The following MED24 variants were observed in gnomAD, a reference collection of about 807,000 sequenced individuals.
The protein encoded by MED24 is mediator of RNA polymerase II transcription subunit 24.
MED24 carries 74 observed loss-of-function variants against 118.8 expected under a neutral mutation model. The ratio of observed to expected loss-of-function variants is 0.62; its 90% confidence interval spans 0.52 to 0.76. The LOEUF is 0.76. MED24 is among the 30% of genes least tolerant of loss of function. The pLI, the probability that MED24 is intolerant of heterozygous loss-of-function variation, is 0.00. For missense variants in MED24, 1,041 were observed against 1,278.9 expected (o/e 0.81, Z 2.84); for synonymous variants, 521 against 523.9 (o/e 0.99, Z 0.08).
intron 3 of MED24, among the ~76,000 whole-genome samples, chr17:40,051,338 G>A (rs925582117): frequency 2.0e-5 from 3 of 151,382 alleles, no homozygotes; most frequent in Admixed American, 6.6e-5. Flanking sequence ...CTGGGCGGCC[G>A]GGCACAGTGG....
intron 3 of MED24, among the ~76,000 whole-genome samples, chr17:40,048,436 T>G (rs946254940): frequency 2.0e-5 from 3 of 152,374 alleles, no homozygotes; most frequent in Admixed American, 1.3e-4. Flanking sequence ...TCAACAACTG[T>G]AATATCTATA....
chr17:40,047,136 T>C (rs1250809793), intron 3 of MED24, among the ~76,000 whole-genome samples: 1 of 152,074 alleles, frequency 6.6e-6, no homozygotes, highest in South Asian at 2.1e-4. Context: ...ATAAAAAGAA[T>C]GTACTATTAA....
rs567820306 is a variant in MED24 at position 40,050,179 on chromosome 17, C to T, written c.213+3119G>A. On this transcript the variant is annotated intron_variant, in intron 3 of 25. Coordinates refer to ENST00000394128, the MANE Select transcript of MED24 (RefSeq NM_014815.4). ...AAAAAAAAAAAAAAAAAGAGAGATACGCATTCAGGTCAGGCACGGTGGCTC... is the reference window on the plus strand; with the variant it reads ...AAAAAAAAAAAAAAAAAGAGAGATATGCATTCAGGTCAGGCACGGTGGCTC... 1.7e-4 allele frequency among the ~76,000 whole-genome samples: 23 copies of T among 135,290 alleles called. No homozygotes were observed. In the East Asian group the frequency reaches 3.2e-3, roughly 19 times the overall value. 88.8% of individuals were successfully genotyped at this position (135,290 alleles called of 152,430 possible).
chr17:40,052,337 G>A (rs142990545), intron 3 of MED24, among the ~76,000 whole-genome samples: 4 of 152,300 alleles, frequency 2.6e-5, no homozygotes, highest in African/African-American at 9.6e-5. Flanking sequence ...TGTGTATTAA[G>A]TACATTTTCA....
In MED24 at chr17:40,019,627, C is replaced by G; in HGVS notation, c.2872G>C (p.Val958Leu). 6.3e-7 allele frequency: 1 copy of G among 1,598,586 alleles called. No homozygotes were observed. The highest frequency in any genetic ancestry group is 8.5e-7 in the Non-Finnish European group (1 of 1,170,050). The change falls in exon 26 of 26, where the codon GTG (valine) becomes CTG (leucine). Residue 958 changes from valine to leucine, a missense_variant. Physicochemically the swap from Val to Leu is conservative, Grantham distance 32 (BLOSUM62 1). Transcript: ENST00000394128. ...PFTTVSELVK[V>L]SAMSSPKVVL... is the part of the protein sequence containing the mutation. ...ACCTTGGGGCTGGACATGGCTGACA[C>G]CTTCACCAGTTCCGACACCTGCCAC...
chr17:40,035,665 C>T (rs1420990291), intron 5 of MED24, 57 bp downstream of exon 5: 1 of 1,572,626 alleles, frequency 6.4e-7, no homozygotes, highest in East Asian at 2.2e-5. Flanking sequence ...AGCTGCACCT[C>T]TGCACAAAGA....
intron 22 of MED24, 95 bp downstream of exon 22, chr17:40,022,299 G>T: frequency 7.6e-7 from 1 of 1,311,498 alleles, no homozygotes; most frequent in Non-Finnish European, 1.1e-6. Flanking sequence ...AAGGGCAGGG[G>T]CCACAACTGC....
In MED24 at chr17:40,022,666, G is replaced by T. The variant is rs755921174; in HGVS notation, c.2411C>A (p.Pro804His). ...DSSKWHSLMDPPGTALAKLAV... is the reference protein window; with the variant it reads ...DSSKWHSLMDHPGTALAKLAV... ...TTACTTGGCAAGAGCAGTGCCCGGG[G>T]GGTCCATGAGGCTGTGCCACTTGGA... is the stretch of plus-strand genomic sequence containing the variant. Residue 804 changes from proline (P) to histidine (H), a missense_variant, in exon 21 of 26, where the codon CCC becomes CAC. Physicochemically the swap from Pro to His is moderately conservative, Grantham distance 77. Transcript: ENST00000394128. 1.9e-6 allele frequency: 3 copies of T among 1,613,588 alleles called. No homozygotes were observed. Among genetic ancestry groups the T allele is most frequent in the Admixed American group, 1.7e-5 (1 of 60,012 alleles).
intron 1 of MED24, 56 bp from the exon 2 acceptor site, chr17:40,053,691 C>T (rs1252218702): frequency 1.9e-6 from 3 of 1,600,434 alleles, no homozygotes; most frequent in Non-Finnish European, 2.6e-6. Flanking sequence ...TAAGGAGAAC[C>T]GGGGAAGGCA....
At position 40,053,472 on chromosome 17, in the gene MED24, C is replaced by G; in HGVS notation, c.127G>C (p.Ala43Pro). The G allele has an allele frequency of 3.1e-6, 5 of 1,614,136 alleles. No individual in the cohort carries two copies. The South Asian group carries it at 5.5e-5, about 18-fold the overall frequency. The change falls in exon 2 of 26, where the codon GCA becomes CCA. Residue 43 changes from alanine (A) to proline (P), a missense_variant. Physicochemically the swap from Ala to Pro is conservative, Grantham distance 27. Coordinates refer to ENST00000394128, the MANE Select transcript of MED24 (RefSeq NM_014815.4). ...TCTTTCCCAGTTCACTTGAGACCTGCCAGGTTGAGAATATCCCAGGTGGCT... is the reference window on the plus strand; with the variant it reads ...TCTTTCCCAGTTCACTTGAGACCTGGCAGGTTGAGAATATCCCAGGTGGCT... ...KGATWDILNL[A>P]DALLEQAMIG...
In MED24 at chr17:40,019,524, G is replaced by C. The variant is rs1336678157; in HGVS notation, c.*5C>G. The C allele has an allele frequency of 1.2e-6, 2 of 1,610,422 alleles. No homozygotes were observed. Among genetic ancestry groups the C allele is most frequent in the East Asian group, 4.5e-5 (2 of 44,880 alleles). On this transcript the variant is annotated 3_prime_UTR_variant, in exon 26 of 26. Coordinates refer to ENST00000394128, the MANE Select transcript of MED24 (RefSeq NM_014815.4). ...CCAGCCCCCACTGCGGCCATGCCAA[G>C]CCCCTCAGAGTGCAGCAATGGCTTT...
chr17:40,024,529 G>A (rs185446907), intron 19 of MED24, among the ~76,000 whole-genome samples: 3 of 152,120 alleles, frequency 2.0e-5, no homozygotes, highest in East Asian at 1.9e-4. Context: ...GCGAAACGCC[G>A]TCTCAAAAAT....
At chr17:40,025,162 T>C (rs1219643157) in intron 19 of MED24, among the ~76,000 whole-genome samples, 2 of 152,158 alleles carry the variant, frequency 1.3e-5, no homozygotes, top group African/African-American at 4.8e-5. Context: ...ACTGTATGAT[T>C]CCAGTTAAAT....
chr17:40,032,787 C>A (rs993019990), intron 8 of MED24, 25 bp from the exon 9 acceptor site: 18 of 1,594,508 alleles, frequency 1.1e-5, no homozygotes, highest in Non-Finnish European at 1.5e-5. Context: ...AAGGATGAGG[C>A]CTAAGAGGGT....
Position 40,035,353 on chromosome 17 carries a change from CA to C in MED24, c.327-5del, listed in dbSNP as rs1184414800. On this transcript the variant is annotated splice_region_variant and splice_polypyrimidine_tract_variant and intron_variant, in intron 5 of 25. Coordinates refer to ENST00000394128, the MANE Select transcript of MED24 (RefSeq NM_014815.4). ...TTCCTCTGCTTTGCCGTGACAGCTA[CA>C]GGGAAGGATGCAAAATCAGACTCTG... The C allele has an allele frequency of 6.4e-7, 1 of 1,572,936 alleles. No individual in the cohort carries two copies. Among genetic ancestry groups the C allele is most frequent in the African/African-American group, 1.4e-5 (1 of 73,620 alleles).
At position 40,053,620 on chromosome 17, in the gene MED24, C is replaced by T. The variant is rs1179795248; in HGVS notation, c.-22G>A. On this transcript the variant is annotated 5_prime_UTR_variant, in exon 2 of 26. Coordinates refer to ENST00000394128, the MANE Select transcript of MED24 (RefSeq NM_014815.4). ...TCATTATTTCACTCTGAGCAGGTGG[C>T]AGCGGTGGCGGCCAGCTTTGAGGTG... The T allele has an allele frequency of 1.9e-6, 3 of 1,613,970 alleles. No individual in the cohort carries two copies. Among genetic ancestry groups the T allele is most frequent in the Non-Finnish European group, 2.5e-6 (3 of 1,180,028 alleles).
intron 23 of MED24, chr17:40,020,632 C>T (rs1981861818): frequency 2.1e-6 from 1 of 470,060 alleles, no homozygotes; most frequent in Non-Finnish European, 3.8e-6. Flanking sequence ...ACAAAAAATA[C>T]AAAAATTAGC....
At chr17:40,029,188 GC>G (rs1983075352) in intron 13 of MED24, among the ~76,000 whole-genome samples, 1 of 152,184 alleles carries the variant, frequency 6.6e-6, no homozygotes, top group African/African-American at 2.4e-5. Context: ...CAAGGTCACG[GC>G]TAGGATCTTC....
At chr17:40,032,609 C>T in intron 9 of MED24, 40 bp downstream of exon 9, 1 of 1,529,696 alleles carries the variant, frequency 6.5e-7, no homozygotes, top group Non-Finnish European at 9.0e-7. Context: ...TGCTAAGAAC[C>T]ATTCCTAGAC....
Sources: allele counts gnomAD v4.1 joint callset (sites outside exome capture counted in the v4.1 genomes callset), GRCh38; gene constraint gnomAD v4.1.1; transcripts MANE v1.5; gene names NCBI Gene and HGNC (gene_info 2026-07-23, HGNC 2026-07-21).